Variants in ASTE1 observed in about 807,000 individuals in gnomAD.
ASTE1 encodes single-strand DNA endonuclease ASTE1.
ASTE1 carries 49 observed loss-of-function variants against 45.8 expected under a neutral mutation model. That is an observed-to-expected ratio of 1.07 (90% confidence interval 0.85 to 1.36). The LOEUF (loss-of-function observed/expected upper bound fraction) is 1.36, where lower values mean the gene tolerates loss of function less well. ASTE1 is among the 40% of genes most tolerant of loss of function. The pLI is 0.00. For missense variants in ASTE1, 709 were observed against 804.0 expected (o/e 0.88, Z 1.43); for synonymous variants, 296 against 303.9 (o/e 0.97, Z 0.27).
At position 131,024,995 on chromosome 3, in the gene ASTE1, A is replaced by G. The variant is rs776472906; in HGVS notation, c.312T>C (p.His104=). ...ACCCACTCCCACCAACAGAAAGGGA[A>G]TGGGCCATCTGGATCTTCTCTCTAG... ...DRAREKIQMA[H]SLSVGGSGYV... The change falls in exon 3 of 6, where the codon CAT becomes CAC. Residue 104 remains histidine (H), a synonymous_variant. Transcript: ENST00000264992. 7.5e-6 allele frequency: 12 copies of G among 1,600,378 alleles called. No individual in the cohort carries two copies. The highest frequency in any genetic ancestry group is 9.4e-6 in the Non-Finnish European group (11 of 1,172,768).
In ASTE1 at chr3:131,024,280, T is replaced by C. The variant is rs1474948531; in HGVS notation, c.1027A>G (p.Ser343Gly). The C allele has an allele frequency of 3.1e-6, 5 of 1,614,108 alleles. No individual in the cohort carries two copies. The East Asian group carries it at 6.7e-5, about 22-fold the overall frequency. The change falls in exon 3 of 6, where the codon AGT (serine) becomes GGT (glycine). Residue 343 changes from serine (S) to glycine (G), a missense_variant. Transcript: ENST00000264992. Reference sequence around the variant, plus strand: ...GTCCGTCTTAGGACCAAAGCATCACTGATGAAAGGAGATAGCTGGCCTTTA... The same window carrying C: ...GTCCGTCTTAGGACCAAAGCATCACCGATGAAAGGAGATAGCTGGCCTTTA... Reference protein sequence around the residue: ...LAKGQLSPFISDALVLRRTIL... With the variant: ...LAKGQLSPFIGDALVLRRTIL...
chr3:131,022,468 C>T (rs2063755140), intron 3 of ASTE1, among the ~76,000 whole-genome samples: 1 of 151,816 alleles, frequency 6.6e-6, no homozygotes, highest in East Asian at 1.9e-4. Flanking sequence ...AGTAGCTGTA[C>T]CACCATGCCT....
rs757364413 is a variant in ASTE1, at chr3:131,025,293, C to G, written c.14G>C (p.Gly5Ala). 3.1e-6 allele frequency: 5 copies of G among 1,612,184 alleles called. No individual in the cohort carries two copies. In the South Asian group the frequency reaches 5.5e-5, roughly 18 times the overall value. Residue 5 changes from glycine (G) to alanine (A), a missense_variant, in exon 3 of 6, where the codon GGA (glycine) becomes GCA (alanine). Gly to Ala is a moderately conservative substitution (Grantham distance 60). Transcript: ENST00000264992. MGIR[G>A]LMSFVEDHSN... ...ATGATCTTCCACAAAACTCATTAGT[C>G]CTCGGATACCCATGATGACAGTCTA...
Position 131,024,557 on chromosome 3 carries a change from C to T in ASTE1, c.750G>A (p.Gly250=), listed in dbSNP as rs141011294. Residue 250 remains glycine, a synonymous_variant, in exon 3 of 6, where the codon GGG becomes GGA. Coordinates refer to ENST00000264992, the MANE Select transcript of ASTE1 (RefSeq NM_014065.4). ...RLPLGATSSK[G]RRHHRILGLL... ...GTCCCAGGATTCGGTGGTGTCTCCT[C>T]CCTTTAGAACTGGTAGCTCCAAGAG... is the stretch of plus-strand genomic sequence containing the variant. The T allele has an allele frequency of 3.5e-5, 57 of 1,613,946 alleles. No individual in the cohort carries two copies. In the African/African-American group the frequency reaches 6.9e-4, roughly 20 times the overall value.
rs376661631 is a variant in ASTE1, at chr3:131,025,050, T to A, written c.257A>T (p.Asp86Val). Residue 86 changes from aspartate to valine, a missense_variant, in exon 3 of 6, where the codon GAT becomes GTT. Coordinates refer to ENST00000264992, the MANE Select transcript of ASTE1 (RefSeq NM_014065.4). ...ATCCTTTAAAGTTGTAAGCTTTTTA[T>A]CTGAAATGTCACATCCTCCATCTAA... ...VVLDGGCDISDKKLTTLKDRA... is the reference protein window; with the variant it reads ...VVLDGGCDISVKKLTTLKDRA... 3 of 1,606,180 alleles carry A rather than the reference T, an allele frequency of 1.9e-6. No individual in the cohort carries two copies. The highest frequency in any genetic ancestry group is 2.6e-6 in the Non-Finnish European group (3 of 1,175,748).
chr3:131,015,742 G>A (rs1016717484), intron 5 of ASTE1, among the ~76,000 whole-genome samples: 34 of 152,128 alleles, frequency 2.2e-4, no homozygotes, highest in Admixed American at 6.5e-5. Flanking sequence ...TAGAGTAACA[G>A]GACTAGAGTG....
At chr3:131,016,769 T>C in intron 4 of ASTE1, 1 of 344,264 alleles carries the variant, frequency 2.9e-6, no homozygotes, top group Non-Finnish European at 5.6e-6. Context: ...CAAAACACAT[T>C]TTGACCTCTG....
chr3:131,016,218 C>G lies in ASTE1; in HGVS notation c.1635G>C (p.Trp545Cys). The G allele has an allele frequency of 6.2e-7, 1 of 1,614,132 alleles. No homozygotes were observed. ...DLDTAHIFCQ[W>C]QSCLQMGMYL... is the part of the protein sequence containing the mutation. The stretch of plus-strand genomic sequence containing the variant: ...ACATCCCCATCTGGAGACAGGACTG[C>G]CACTGACAGAAGATGTGAGCTGTGT... The change falls in exon 5 of 6, where the codon TGG becomes TGC. Residue 545 changes from tryptophan (W) to cysteine (C), a missense_variant. Transcript: ENST00000264992.
At chr3:131,018,406 G>A (rs929264657) in intron 4 of ASTE1, 100 bp downstream of exon 4, 5 of 1,145,472 alleles carry the variant, frequency 4.4e-6, no homozygotes, top group East Asian at 2.4e-5. Context: ...CAATTAATGG[G>A]AGTAAATAAT....
In ASTE1 at chr3:131,018,590, C is replaced by G. The variant is rs560359533; in HGVS notation, c.1429G>C (p.Glu477Gln). Residue 477 changes from glutamate (E) to glutamine (Q), a missense_variant, in exon 4 of 6, where the codon GAG (glutamate) becomes CAG (glutamine). Transcript: ENST00000264992. ...AVSCYWLQHT[E>Q]TKAKLHHLQS... ...AGATGATGTAGCTTTGCTTTGGTCT[C>G]GGTGTGCTGCAACCAGTAGCAACTG... 99 of 1,613,812 alleles carry G rather than the reference C, an allele frequency of 6.1e-5. No individual in the cohort carries two copies. Among genetic ancestry groups the G allele is most frequent in the Non-Finnish European group, 8.2e-5 (97 of 1,180,004 alleles).
rs1452489303 is a variant in ASTE1, at chr3:131,016,246, A to G, written c.1607T>C (p.Leu536Ser). ...AQTRLGTRLD[L>S]DTAHIFCQWQ... ...CTGACAGAAGATGTGAGCTGTGTCT[A>G]AGTCCAGTCTTGTGCCCAGCCGTGT... is the stretch of plus-strand genomic sequence containing the variant. Residue 536 changes from leucine (L) to serine (S), a missense_variant, in exon 5 of 6, where the codon TTA becomes TCA. Leu to Ser is a moderately radical substitution (Grantham distance 145, BLOSUM62 -2). Coordinates refer to ENST00000264992, the MANE Select transcript of ASTE1 (RefSeq NM_014065.4). The G allele has an allele frequency of 1.2e-6, 2 of 1,614,030 alleles. No homozygotes were observed. Among genetic ancestry groups the G allele is most frequent in the African/African-American group, 1.3e-5 (1 of 74,918 alleles).
In ASTE1 at chr3:131,024,631, G is replaced by C. The variant is rs1175618311; in HGVS notation, c.676C>G (p.His226Asp). 2.5e-6 allele frequency: 4 copies of C among 1,602,204 alleles called. No individual in the cohort carries two copies. Among genetic ancestry groups the C allele is most frequent in the Non-Finnish European group, 3.4e-6 (4 of 1,173,740 alleles). Residue 226 changes from histidine to aspartate, a missense_variant, in exon 3 of 6, where the codon CAT (histidine) becomes GAT (aspartate). Transcript: ENST00000264992. ...GTCTCCATGATGGGTAGATTAACAT[G>C]GTCATTTCCACATAGCACCGCAAAG... The part of the protein sequence containing the change: ...PLFAVLCGND[H>D]VNLPIMETFL...
intron 5 of ASTE1, chr3:131,015,095 A>G: frequency 1.8e-6 from 1 of 564,752 alleles, no homozygotes; most frequent in East Asian, 3.0e-5. Flanking sequence ...CCAGGGGTCA[A>G]AGGCCAATTA....
chr3:131,023,713 G>A (rs13074752), intron 3 of ASTE1, among the ~76,000 whole-genome samples: 134,721 of 151,968 alleles, frequency 0.89, 60,266 homozygotes, highest in Non-Finnish European at 0.95. Context: ...GTATTAACCT[G>A]GTAGTAATAA....
In ASTE1 at chr3:131,024,728, G is replaced by T. The variant is rs1174288898; in HGVS notation, c.579C>A (p.Ile193=). 6.2e-7 allele frequency: 1 copy of T among 1,609,760 alleles called. No individual in the cohort carries two copies. The highest frequency in any genetic ancestry group is 8.5e-7 in the Non-Finnish European group (1 of 1,177,818). The change falls in exon 3 of 6, where the codon ATC becomes ATA. Residue 193 remains isoleucine, a synonymous_variant. Coordinates refer to ENST00000264992, the MANE Select transcript of ASTE1 (RefSeq NM_014065.4). ...CATCAAGGGAAAAGCATTTGGCAGG[G>T]ATATAGTTTTGTGTGCCCTTAATAG... is the stretch of plus-strand genomic sequence containing the variant. The part of the protein sequence containing the change: ...MNTIKGTQNY[I]PAKCFSLDAF...
chr3:131,023,256 C>T (rs1000889552), intron 3 of ASTE1, among the ~76,000 whole-genome samples: 2 of 152,036 alleles, frequency 1.3e-5, no homozygotes, highest in Admixed American at 1.3e-4. Flanking sequence ...AAGAAGATCC[C>T]CTAATGGGCA....
chr3:131,026,682 G>A lies in ASTE1; in HGVS notation c.-322C>T, dbSNP rs895037910. The A allele has an allele frequency of 6.6e-6, 1 of 152,434 alleles. No individual in the cohort carries two copies. Among genetic ancestry groups the A allele is most frequent in the African/African-American group, 2.4e-5 (1 of 41,466 alleles). The allele number at this position is 152,434 out of a possible 1,614,324, so 9.4% of individuals were successfully genotyped here. ...GGCGCCAGACTGAGCCAAGGAGCAGGTGTTCTCGGGCCCAGAGGCGCTAAG... is the reference window on the plus strand; with the variant it reads ...GGCGCCAGACTGAGCCAAGGAGCAGATGTTCTCGGGCCCAGAGGCGCTAAG... On this transcript the variant is annotated 5_prime_UTR_variant, in exon 1 of 6. Transcript: ENST00000264992.
At chr3:131,014,743 T>C (rs1450443947) in intron 5 of ASTE1, among the ~76,000 whole-genome samples, 1 of 152,168 alleles carries the variant, frequency 6.6e-6, no homozygotes, top group East Asian at 1.9e-4. Flanking sequence ...TGTTAGAATA[T>C]GAGAAAATTT....
At chr3:131,014,955 G>T (rs999737608) in intron 5 of ASTE1, among the ~76,000 whole-genome samples, 1 of 152,180 alleles carries the variant, frequency 6.6e-6, no homozygotes, top group Non-Finnish European at 1.5e-5. Context: ...GAACAATCCT[G>T]CTGTTTAAAT....
Sources: allele counts gnomAD v4.1 joint callset (sites outside exome capture counted in the v4.1 genomes callset), GRCh38; gene constraint gnomAD v4.1.1; transcripts MANE v1.5; gene names NCBI Gene and HGNC (gene_info 2026-07-23, HGNC 2026-07-21).